STPG2: variants seen among roughly 807,000 people sequenced by gnomAD.
STPG2 encodes sperm tail PG-rich repeat containing 2, also known as sperm-tail PG-rich repeat-containing protein 2.
In STPG2, 56 loss-of-function variants were observed where a neutral mutation model predicts 54.2. The ratio of observed to expected loss-of-function variants is 1.03; its 90% CI spans 0.83 to 1.29. STPG2 has a LOEUF of 1.29. Ranked by LOEUF, STPG2 falls within the 50% of genes most tolerant of loss-of-function variation. STPG2 has a pLI of 0.00. For missense variants in STPG2, 596 were observed against 544.9 expected, an observed-to-expected ratio of 1.09 and a Z score of -0.93; for synonymous variants, 200 against 181.8, an observed-to-expected ratio of 1.10 and a Z score of -0.81.
rs113228629 is a variant in STPG2 at position 97,558,984 on chromosome 4, A to C, written c.*74T>G. ...TTTTATTACTCCTATATTTGGAATA[A>C]ATTTTGTTAAAATGACAAAGAAATA... On this transcript the variant is annotated 3_prime_UTR_variant, in exon 11 of 11. Coordinates refer to ENST00000295268, the MANE Select transcript of STPG2 (RefSeq NM_174952.3). 1,451 of 1,258,060 alleles carry C rather than the reference A, an allele frequency of 1.2e-3. 10 individuals carry two copies. In the African/African-American group the frequency reaches 0.019, roughly 16 times the overall value. The allele number at this position is 1,258,060 out of a possible 1,614,324, so 77.9% of individuals were successfully genotyped here.
intron 5 of STPG2, among the ~76,000 whole-genome samples, chr4:98,016,063 G>T (rs1735935152): frequency 1.3e-5 from 2 of 152,118 alleles, no homozygotes; most frequent in South Asian, 4.2e-4. Flanking sequence ...GTGTGGGGGT[G>T]GAAGGCTAGG....
At chr4:97,519,277 G>T (rs534703571) in intron 4 of STPG2, among the ~76,000 whole-genome samples, 2 of 152,160 alleles carry the variant, frequency 1.3e-5, no homozygotes, top group Non-Finnish European at 2.9e-5. Context: ...GGTGGGAAGG[G>T]TGCTTATCAT....
At chr4:97,648,187 A>C (rs1721965275) in intron 10 of STPG2, among the ~76,000 whole-genome samples, 1 of 152,112 alleles carries the variant, frequency 6.6e-6, no homozygotes, top group African/African-American at 2.4e-5. Flanking sequence ...AGATATAGAC[A>C]TATTTCAACA....
chr4:97,886,822 A>T (rs1002028649), intron 8 of STPG2, among the ~76,000 whole-genome samples: 1 of 152,178 alleles, frequency 6.6e-6, no homozygotes, highest in African/African-American at 2.4e-5. Flanking sequence ...TGATTGAATC[A>T]TGTCAGTGGT....
chr4:97,949,314 AT>A (rs1733371694), intron 7 of STPG2, among the ~76,000 whole-genome samples: 1 of 152,046 alleles, frequency 6.6e-6, no homozygotes, highest in African/African-American at 2.4e-5. Flanking sequence ...AAATCCCTCA[AT>A]GTTAGGTGAG....
intron 3 of STPG2, among the ~76,000 whole-genome samples, chr4:98,116,540 G>A (rs7664305): frequency 0.4 from 59,917 of 151,636 alleles, 12,070 homozygotes; most frequent in Middle Eastern, 0.46. Flanking sequence ...TCACCTTGGG[G>A]AGAATATCCT....
chr4:98,001,553 C>G (rs1410720028), intron 5 of STPG2, among the ~76,000 whole-genome samples: 1 of 151,928 alleles, frequency 6.6e-6, no homozygotes, highest in Non-Finnish European at 1.5e-5. Context: ...TAAACACATC[C>G]AAATGAAATA....
intron 3 of STPG2, among the ~76,000 whole-genome samples, chr4:98,114,310 G>C (rs1375335779): frequency 6.6e-6 from 1 of 152,016 alleles, no homozygotes; most frequent in African/African-American, 2.4e-5. Flanking sequence ...CATCATAATT[G>C]TGCATATTTT....
chr4:98,028,367 G>A (rs1052873884), intron 5 of STPG2, among the ~76,000 whole-genome samples: 1 of 152,082 alleles, frequency 6.6e-6, no homozygotes, highest in Non-Finnish European at 1.5e-5. Flanking sequence ...TTCAACACTT[G>A]GCAGTCTCCT....
At chr4:97,933,547 G>GT (rs1359897162) in intron 8 of STPG2, among the ~76,000 whole-genome samples, 2 of 152,156 alleles carry the variant, frequency 1.3e-5, no homozygotes, top group African/African-American at 2.4e-5. Flanking sequence ...TGTATAAGGT[G>GT]TAAGGAAGGG....
At chr4:97,450,632 G>A (rs1019303728) in intron 4 of STPG2, among the ~76,000 whole-genome samples, 7 of 152,148 alleles carry the variant, frequency 4.6e-5, no homozygotes, top group Non-Finnish European at 1.0e-4. Context: ...CAAAGATCCT[G>A]TAGCATGTTT....
intron 8 of STPG2, among the ~76,000 whole-genome samples, chr4:97,882,239 A>C (rs1730404302): frequency 6.6e-6 from 1 of 152,338 alleles, no homozygotes; most frequent in Admixed American, 6.5e-5. Flanking sequence ...TATGTTCACA[A>C]GGAATATTAA....
chr4:97,484,145 G>T (rs2148822909), intron 4 of STPG2, among the ~76,000 whole-genome samples: 1 of 151,412 alleles, frequency 6.6e-6, no homozygotes, highest in South Asian at 2.1e-4. Flanking sequence ...GACATTCTAA[G>T]GTCATACATC....
chr4:97,601,281 C>T (rs1269557455), intron 10 of STPG2, among the ~76,000 whole-genome samples: 1 of 151,888 alleles, frequency 6.6e-6, no homozygotes, highest in African/African-American at 2.4e-5. Context: ...TTGTTAAATT[C>T]CTTATTTTAT....
chr4:97,480,785 C>T (rs1226847749), intron 4 of STPG2, among the ~76,000 whole-genome samples: 1 of 151,432 alleles, frequency 6.6e-6, no homozygotes, highest in Non-Finnish European at 1.5e-5. Flanking sequence ...TATTATTGAG[C>T]TATAGGTATT....
chr4:98,063,748 A>G (rs1737737320), intron 5 of STPG2, among the ~76,000 whole-genome samples: 1 of 152,114 alleles, frequency 6.6e-6, no homozygotes, highest in South Asian at 2.1e-4. Flanking sequence ...CAATAAAAAA[A>G]TGACAAGAAG....
intron 9 of STPG2, among the ~76,000 whole-genome samples, chr4:97,786,597 T>C (rs1353146495): frequency 2.0e-5 from 3 of 152,144 alleles, no homozygotes; most frequent in Non-Finnish European, 2.9e-5. Flanking sequence ...TTCTAAATTA[T>C]ACACTGTTCG....
intron 10 of STPG2, among the ~76,000 whole-genome samples, chr4:97,640,784 G>A (rs767908476): frequency 2.1e-4 from 31 of 151,154 alleles, no homozygotes; most frequent in Non-Finnish European, 4.0e-4. Flanking sequence ...ATTTAGATAC[G>A]TTTCAAAACA....
chr4:97,760,074 T>C (rs1207287050), intron 9 of STPG2, among the ~76,000 whole-genome samples: 2 of 152,226 alleles, frequency 1.3e-5, no homozygotes, highest in African/African-American at 2.4e-5. Flanking sequence ...TATTATATTA[T>C]GGGCTATCGC....
Sources: allele counts gnomAD v4.1 joint callset (sites outside exome capture counted in the v4.1 genomes callset), GRCh38; gene constraint gnomAD v4.1.1; transcripts MANE v1.5; gene names NCBI Gene and HGNC (gene_info 2026-07-23, HGNC 2026-07-21).